BMERB1: variants seen among roughly 807,000 people sequenced by gnomAD.
The protein encoded by BMERB1 is bMERB domain-containing protein 1.
BMERB1 carries 12 observed loss-of-function variants against 23.6 expected under a neutral mutation model. That is an observed-to-expected ratio of 0.51 (90% CI 0.33 to 0.82). The LOEUF is 0.82. BMERB1 is among the 40% of genes least tolerant of loss of function. BMERB1 has a pLI of 0.03. For missense variants in BMERB1, 247 were observed against 255.4 expected (o/e 0.97, Z 0.22); for synonymous variants, 122 against 96.6 (o/e 1.26, Z -1.54).
chr16:15,489,722 C>T (rs1054748445), intron 1 of BMERB1, among the ~76,000 whole-genome samples: 1 of 152,170 alleles, frequency 6.6e-6, no homozygotes, highest in Non-Finnish European at 1.5e-5. Flanking sequence ...CTCGAGGGGA[C>T]TGTTGACATT....
chr16:15,566,106 T>TA (rs756134500), intron 2 of BMERB1, among the ~76,000 whole-genome samples: 1 of 152,226 alleles, frequency 6.6e-6, no homozygotes, highest in Non-Finnish European at 1.5e-5. Context: ...GATGAGGGTG[T>TA]AATTAGCACA....
chr16:15,500,588 T>C (rs2150943021), intron 1 of BMERB1, among the ~76,000 whole-genome samples: 1 of 152,328 alleles, frequency 6.6e-6, no homozygotes, highest in Admixed American at 6.5e-5. Flanking sequence ...GGTCCCAGGA[T>C]GGTGAACAAT....
intron 2 of BMERB1, among the ~76,000 whole-genome samples, chr16:15,559,114 T>C (rs918024533): frequency 6.6e-6 from 1 of 152,168 alleles, no homozygotes; most frequent in African/African-American, 2.4e-5. Flanking sequence ...GTCATTATGT[T>C]ACATATATGT....
At chr16:15,512,188 C>T (rs2051676649) in intron 1 of BMERB1, among the ~76,000 whole-genome samples, 3 of 151,998 alleles carry the variant, frequency 2.0e-5, no homozygotes, top group Admixed American at 2.0e-4. Context: ...ATGGAACGGA[C>T]ACATCACGGG....
intron 1 of BMERB1, among the ~76,000 whole-genome samples, chr16:15,470,538 T>C (rs938857019): frequency 6.6e-6 from 1 of 151,970 alleles, no homozygotes; most frequent in East Asian, 1.9e-4. Context: ...TCTTTCTTTT[T>C]TTTTTTTAGA....
chr16:15,475,847 A>G lies in BMERB1; in HGVS notation c.107-39458A>G, dbSNP rs55993636. ...GTCAATGATGTGTGAAAATACACACAAAGTATTGCCAAGCAGGGAAGCTCT... is the reference window on the plus strand; with the variant it reads ...GTCAATGATGTGTGAAAATACACACGAAGTATTGCCAAGCAGGGAAGCTCT... On this transcript the variant is annotated intron_variant, in intron 1 of 5. Transcript: ENST00000300006. Among the ~76,000 whole-genome samples the G allele has an allele frequency of 2.0e-5, 3 of 152,196 alleles. No homozygotes were observed. In the East Asian group the frequency reaches 5.8e-4, roughly 29 times the overall value.
At chr16:15,474,936 C>A (rs1019316879) in intron 1 of BMERB1, among the ~76,000 whole-genome samples, 5 of 152,074 alleles carry the variant, frequency 3.3e-5, no homozygotes, top group Non-Finnish European at 4.4e-5. Flanking sequence ...GATCTACCCG[C>A]TTGGCCTCCC....
At chr16:15,471,596 CCT>C (rs1012225385) in intron 1 of BMERB1, among the ~76,000 whole-genome samples, 2 of 151,692 alleles carry the variant, frequency 1.3e-5, no homozygotes, top group Non-Finnish European at 2.9e-5. Flanking sequence ...TGCTTTGTGT[CCT>C]CTCTCTCACT....
intron 2 of BMERB1, among the ~76,000 whole-genome samples, chr16:15,551,603 G>A (rs1012149896): frequency 5.9e-5 from 9 of 152,188 alleles, no homozygotes; most frequent in African/African-American, 2.2e-4. Context: ...GAGTGCAGGA[G>A]TTCAAGAGAA....
intron 2 of BMERB1, among the ~76,000 whole-genome samples, chr16:15,523,244 C>T (rs559271528): frequency 2.2e-4 from 34 of 152,286 alleles, no homozygotes; most frequent in African/African-American, 6.5e-4. Context: ...GACATCCAGA[C>T]GCTTGTGTCT....
chr16:15,439,718 A>T (rs2050922736), intron 1 of BMERB1, among the ~76,000 whole-genome samples: 1 of 152,166 alleles, frequency 6.6e-6, no homozygotes, highest in Admixed American at 6.5e-5. Flanking sequence ...ATGTATAGTG[A>T]CATTTCAGCG....
At chr16:15,576,124 C>T (rs990644883) in intron 3 of BMERB1, among the ~76,000 whole-genome samples, 2 of 151,524 alleles carry the variant, frequency 1.3e-5, no homozygotes, top group Admixed American at 6.6e-5. Flanking sequence ...CTGCAGTCTC[C>T]GCCTCCGGGG....
At chr16:15,534,048 C>T (rs2051996897) in intron 2 of BMERB1, among the ~76,000 whole-genome samples, 1 of 152,082 alleles carries the variant, frequency 6.6e-6, no homozygotes, top group African/African-American at 2.4e-5. Flanking sequence ...AACTCAGATG[C>T]TTCACTGGTT....
intron 1 of BMERB1, among the ~76,000 whole-genome samples, chr16:15,513,309 C>T (rs1278505107): frequency 6.6e-6 from 1 of 152,104 alleles, no homozygotes; most frequent in East Asian, 1.9e-4. Context: ...AAACAACCTA[C>T]ATGTCTGTGG....
intron 1 of BMERB1, among the ~76,000 whole-genome samples, chr16:15,479,814 C>G (rs980164150): frequency 2.0e-5 from 3 of 151,578 alleles, no homozygotes; most frequent in Non-Finnish European, 4.4e-5. Context: ...GGTGTGGTGG[C>G]TGACACTTGT....
intron 3 of BMERB1, among the ~76,000 whole-genome samples, chr16:15,572,949 A>T (rs990174957): frequency 6.2e-4 from 94 of 152,176 alleles, no homozygotes; most frequent in African/African-American, 2.0e-3. Context: ...CCTGCTGCCA[A>T]GTAAGACGTG....
At chr16:15,458,975 C>T (rs779873993) in intron 1 of BMERB1, among the ~76,000 whole-genome samples, 1 of 151,914 alleles carries the variant, frequency 6.6e-6, no homozygotes, top group East Asian at 1.9e-4. Flanking sequence ...GGCGTGGTGG[C>T]GGGCGCCCAT....
At chr16:15,444,683 A>G (rs2050974570) in intron 1 of BMERB1, among the ~76,000 whole-genome samples, 1 of 152,176 alleles carries the variant, frequency 6.6e-6, no homozygotes, top group Non-Finnish European at 1.5e-5. Context: ...GTATGAGTAC[A>G]TGGTGGTCCT....
intron 1 of BMERB1, among the ~76,000 whole-genome samples, chr16:15,458,411 G>T (rs1432397630): frequency 6.6e-6 from 1 of 152,090 alleles, no homozygotes; most frequent in African/African-American, 2.4e-5. Flanking sequence ...ATAAGTGATT[G>T]GATTCAGTAA....
Sources: allele counts gnomAD v4.1 joint callset (sites outside exome capture counted in the v4.1 genomes callset), GRCh38; gene constraint gnomAD v4.1.1; transcripts MANE v1.5; gene names NCBI Gene and HGNC (gene_info 2026-07-23, HGNC 2026-07-21).